GAR1: variants seen among roughly 807,000 people sequenced by gnomAD.
GAR1 encodes H/ACA ribonucleoprotein complex subunit 1.
In GAR1, 11 loss-of-function variants were observed where a neutral mutation model predicts 29.3. The ratio of observed to expected loss-of-function variants is 0.38; its 90% confidence interval spans 0.24 to 0.62. GAR1 has a LOEUF of 0.62. Among genes scored for constraint, GAR1 ranks in the 20% least tolerant of loss-of-function variants. The pLI is 0.62. For synonymous variants in GAR1, 87 were observed against 93.3 expected (o/e 0.93, Z 0.39); for missense variants, 237 against 268.4 (o/e 0.88, Z 0.82).
At position 109,824,040 on chromosome 4, in the gene GAR1, AT is replaced by A; in HGVS notation, c.640+11del. On this transcript the variant is annotated splice_region_variant and intron_variant, in intron 6 of 6. Transcript: ENST00000226796. ...AGAGGTGGTGGTTTCAGAGGTGAGTATTTTAAAAAGTCTTTAAATTGCTTAA... is the reference window on the plus strand; with the variant it reads ...AGAGGTGGTGGTTTCAGAGGTGAGTATTTAAAAAGTCTTTAAATTGCTTAA... The A allele has an allele frequency of 1.3e-6, 2 of 1,577,748 alleles. No individual in the cohort carries two copies. Among genetic ancestry groups the A allele is most frequent in the South Asian group, 1.1e-5 (1 of 88,450 alleles).
chr4:109,820,490 G>A (rs1221183779), intron 4 of GAR1, among the ~76,000 whole-genome samples: 1 of 151,564 alleles, frequency 6.6e-6, no homozygotes, highest in African/African-American at 2.4e-5. Flanking sequence ...AAGAATGAAA[G>A]GAAAAGAGCA....
At position 109,816,250 on chromosome 4, in the gene GAR1, T is replaced by G; in HGVS notation, c.86T>G (p.Phe29Cys). The change falls in exon 2 of 7, where the codon TTC becomes TGC. Residue 29 changes from phenylalanine to cysteine, a missense_variant. Physicochemically the swap from Phe to Cys is radical, Grantham distance 205 (BLOSUM62 -2). Coordinates refer to ENST00000226796, the MANE Select transcript of GAR1 (RefSeq NM_018983.4). ...AACCGAGGTGGCAGCAGCAACCACTTCCGAGGTGGAGGCGGCGGTGGAGGC... is the reference window on the plus strand; with the variant it reads ...AACCGAGGTGGCAGCAGCAACCACTGCCGAGGTGGAGGCGGCGGTGGAGGC... ...GFNRGGSSNH[F>C]RGGGGGGGGG... 1 of 1,609,454 alleles carries G rather than the reference T, an allele frequency of 6.2e-7. No individual in the cohort carries two copies. The highest frequency in any genetic ancestry group is 8.5e-7 in the Non-Finnish European group (1 of 1,177,594).
Position 109,816,289 on chromosome 4 carries a change from G to A in GAR1, c.125G>A (p.Arg42Lys). 6.2e-7 allele frequency: 1 copy of A among 1,612,182 alleles called. No individual in the cohort carries two copies. The highest frequency in any genetic ancestry group is 8.5e-7 in the Non-Finnish European group (1 of 1,179,466). Residue 42 changes from arginine to lysine, a missense_variant, in exon 2 of 7, where the codon AGA (arginine) becomes AAA (lysine). Arg to Lys is a conservative substitution (Grantham distance 26). Coordinates refer to ENST00000226796, the MANE Select transcript of GAR1 (RefSeq NM_018983.4). ...GGCGGTGGAGGCGGCGGCAATTTCA[G>A]AGGCGGCGGCAGGGGAGGATTTGGA... is the stretch of plus-strand genomic sequence containing the variant. ...GGGGGGGGNF[R>K]GGGRGGFGRG...
At position 109,816,278 on chromosome 4, in the gene GAR1, C is replaced by T; in HGVS notation, c.114C>T (p.Gly38=). ...GAGGTGGAGGCGGCGGTGGAGGCGG[C>T]GGCAATTTCAGAGGCGGCGGCAGGG... ...HFRGGGGGGG[G]GNFRGGGRGG... Residue 38 remains glycine (G), a synonymous_variant, in exon 2 of 7, where the codon GGC becomes GGT. Coordinates refer to ENST00000226796, the MANE Select transcript of GAR1 (RefSeq NM_018983.4). 1 of 1,610,656 alleles carries T rather than the reference C, an allele frequency of 6.2e-7. No homozygotes were observed. Among genetic ancestry groups the T allele is most frequent in the South Asian group, 1.1e-5 (1 of 90,808 alleles).
chr4:109,821,141 C>G (rs1323354279), intron 4 of GAR1, among the ~76,000 whole-genome samples: 1 of 152,174 alleles, frequency 6.6e-6, no homozygotes, highest in Non-Finnish European at 1.5e-5. Context: ...GTTTGTAGAC[C>G]AGTGCTCTCC....
intron 5 of GAR1, among the ~76,000 whole-genome samples, chr4:109,823,569 C>A (rs1239718990): frequency 6.6e-6 from 1 of 152,126 alleles, no homozygotes; most frequent in Non-Finnish European, 1.5e-5. Context: ...ATATCTGCCA[C>A]CCTTTGTTGT....
At chr4:109,820,509 G>C (rs983311641) in intron 4 of GAR1, among the ~76,000 whole-genome samples, 2 of 151,868 alleles carry the variant, frequency 1.3e-5, no homozygotes, top group African/African-American at 4.8e-5. Context: ...CACCTATGAA[G>C]AGTTTTGGGG....
At chr4:109,819,313 T>G (rs1396233180) in intron 4 of GAR1, 1 of 465,266 alleles carries the variant, frequency 2.1e-6, no homozygotes, top group Non-Finnish European at 3.8e-6. Flanking sequence ...GTAAGAGTTT[T>G]TTGTTTATGT....
chr4:109,816,137 G>T lies in GAR1; in HGVS notation c.-12-16G>T, dbSNP rs778770888. 1.9e-6 allele frequency: 3 copies of T among 1,569,868 alleles called. No individual in the cohort carries two copies. Among genetic ancestry groups the T allele is most frequent in the Non-Finnish European group, 2.6e-6 (3 of 1,144,938 alleles). ...CTACAGTGATCAGAAGACATAGGTC[G>T]TTTTTTTTTCATCAGGGAGGAGAGA... On this transcript the variant is annotated splice_polypyrimidine_tract_variant and intron_variant, in intron 1 of 6. Coordinates refer to ENST00000226796, the MANE Select transcript of GAR1 (RefSeq NM_018983.4).
chr4:109,816,179 C>T lies in GAR1; in HGVS notation c.15C>T (p.Gly5=). 1.2e-6 allele frequency: 2 copies of T among 1,611,630 alleles called. No homozygotes were observed. Among genetic ancestry groups the T allele is most frequent in the South Asian group, 1.1e-5 (1 of 90,980 alleles). The change falls in exon 2 of 7, where the codon GGC becomes GGT. Residue 5 remains glycine, a synonymous_variant. Coordinates refer to ENST00000226796, the MANE Select transcript of GAR1 (RefSeq NM_018983.4). ...GAGGAGAGAGAATGTCTTTTCGAGGCGGAGGTCGTGGAGGCTTTAATCGAG... is the reference window on the plus strand; with the variant it reads ...GAGGAGAGAGAATGTCTTTTCGAGGTGGAGGTCGTGGAGGCTTTAATCGAG... MSFR[G]GGRGGFNRGG... is the part of the protein sequence containing the mutation.
chr4:109,818,477 C>G (rs1002273437), intron 3 of GAR1, among the ~76,000 whole-genome samples: 7 of 143,492 alleles, frequency 4.9e-5, no homozygotes, highest in African/African-American at 1.5e-4. Flanking sequence ...CTTTCTTTCT[C>G]TCTCTTTCTC....
chr4:109,816,112 C>A (rs1306400912), intron 1 of GAR1, 41 bp from the exon 2 acceptor site: 1 of 1,569,184 alleles, frequency 6.4e-7, no homozygotes, highest in Non-Finnish European at 8.8e-7. Context: ...TACTCAGAGG[C>A]TACAGTGATC....
intron 5 of GAR1, among the ~76,000 whole-genome samples, chr4:109,823,618 T>C (rs1176426037): frequency 1.3e-5 from 2 of 152,142 alleles, no homozygotes; most frequent in Non-Finnish European, 2.9e-5. Flanking sequence ...CTATCCTTAG[T>C]TGAATCAAAA....
At chr4:109,823,634 T>A (rs1376414472) in intron 5 of GAR1, among the ~76,000 whole-genome samples, 2 of 152,184 alleles carry the variant, frequency 1.3e-5, no homozygotes, top group East Asian at 3.8e-4. Flanking sequence ...CAAAAAAGTA[T>A]TTATCATAAG....
intron 1 of GAR1, 102 bp downstream of exon 1, chr4:109,815,906 GTC>G (rs2125887980): frequency 1.9e-6 from 1 of 531,748 alleles, no homozygotes; most frequent in Non-Finnish European, 3.3e-6. Flanking sequence ...AGACCTTGCT[GTC>G]TGTAGGGGGA....
At position 109,816,026 on chromosome 4, in the gene GAR1, T is replaced by A. The variant is rs1579350345; in HGVS notation, c.-12-127T>A. On this transcript the variant is annotated intron_variant, in intron 1 of 6. Coordinates refer to ENST00000226796, the MANE Select transcript of GAR1 (RefSeq NM_018983.4). ...ATCAGGTTGGTGGTCACTGGCTGTCTGACCGTGGGTGAGGTGACAGGGCTG... is the reference window on the plus strand; with the variant it reads ...ATCAGGTTGGTGGTCACTGGCTGTCAGACCGTGGGTGAGGTGACAGGGCTG... The A allele has an allele frequency of 1.1e-5, 10 of 896,820 alleles. No homozygotes were observed. The East Asian group carries it at 1.9e-4, about 17-fold the overall frequency. 55.6% of individuals were successfully genotyped at this position (896,820 alleles called of 1,614,324 possible). A position where few individuals can be genotyped will look rare whatever the true frequency, so the allele number is the denominator to read the frequency against.
Position 109,816,424 on chromosome 4 carries a change from G to T in GAR1, c.214+46G>T, listed in dbSNP as rs201936569. 69 of 1,574,504 alleles carry T rather than the reference G, an allele frequency of 4.4e-5. No individual in the cohort carries two copies. The East Asian group carries it at 1.5e-3, about 35-fold the overall frequency. ...AGCTTATTTGAAGGAGTAGGTGTGGGTTGGGGGTTTGTGTTGTTAGGCAGC... is the reference window on the plus strand; with the variant it reads ...AGCTTATTTGAAGGAGTAGGTGTGGTTTGGGGGTTTGTGTTGTTAGGCAGC... On this transcript the variant is annotated intron_variant, in intron 2 of 6. Transcript: ENST00000226796.
chr4:109,819,304 T>G, intron 4 of GAR1: 1 of 483,558 alleles, frequency 2.1e-6, no homozygotes, highest in Non-Finnish European at 3.6e-6. Context: ...ACTGCTAGAG[T>G]AAGAGTTTTT....
rs1220990120 is a variant in GAR1, at chr4:109,824,405, T to G, written c.641-13T>G. On this transcript the variant is annotated splice_polypyrimidine_tract_variant and intron_variant, in intron 6 of 6. Transcript: ENST00000226796. ...TTTCTGTGCCCTTAATACTTTAATT[T>G]TCTCTTAATCAGGGAGAGGACATTA... is the stretch of plus-strand genomic sequence containing the variant. The G allele has an allele frequency of 5.1e-6, 8 of 1,574,206 alleles. No homozygotes were observed. Among genetic ancestry groups the G allele is most frequent in the Non-Finnish European group, 6.1e-6 (7 of 1,144,114 alleles).
Sources: gnomAD v4.1 joint callset for allele counts (sites outside exome capture counted in the v4.1 genomes callset) on GRCh38, gnomAD v4.1.1 for gene constraint, MANE v1.5 for transcripts, NCBI Gene and HGNC (gene_info 2026-07-23, HGNC 2026-07-21) for gene names.